The following HYDIN variants were observed in gnomAD, a reference collection of about 807,000 sequenced individuals.
HYDIN encodes the protein axonemal central pair apparatus protein HYDIN.
A neutral mutation model predicts 403.9 loss-of-function variants in HYDIN; 132 were observed. That is an observed-to-expected ratio of 0.33 (90% CI 0.28 to 0.38). HYDIN has a LOEUF of 0.38. Among genes scored for constraint, HYDIN ranks in the 10% least tolerant of loss-of-function variants. The probability of loss-of-function intolerance (pLI) is 1.00; values close to 1 mark genes in which losing one functional copy is unlikely to be tolerated. For synonymous variants in HYDIN, 1,202 were observed against 1,891.7 expected (o/e 0.64, Z 9.46); for missense variants, 2,827 against 5,009.5 (o/e 0.56, Z 13.15).
intron 13 of HYDIN, among the ~76,000 whole-genome samples, chr16:71,070,549 G>C (rs912984005): frequency 7.5e-6 from 1 of 133,570 alleles, no homozygotes; most frequent in Non-Finnish European, 1.5e-5. Context: ...GGCTGCTCTT[G>C]AACTCTTGAC....
At chr16:71,019,621 T>C (rs1447872896) in intron 22 of HYDIN, among the ~76,000 whole-genome samples, 4 of 152,290 alleles carry the variant, frequency 2.6e-5, no homozygotes, top group Non-Finnish European at 5.9e-5. Flanking sequence ...CTTAACTTTT[T>C]TTTTTTTCCA....
At chr16:71,049,507 T>C (rs1212929091) in intron 18 of HYDIN, among the ~76,000 whole-genome samples, 1 of 152,070 alleles carries the variant, frequency 6.6e-6, no homozygotes, top group Non-Finnish European at 1.5e-5. Context: ...TGAAGGCAAA[T>C]GTAAAAATGC....
intron 72 of HYDIN, 124 bp downstream of exon 72, chr16:70,857,581 G>A: frequency 8.0e-7 from 1 of 1,256,710 alleles, no homozygotes; most frequent in South Asian, 1.6e-5. Context: ...AACTGATTGA[G>A]ACCCTCTGAT....
rs2038554872 is a variant in HYDIN, at chr16:70,850,471, T to G, written c.12628A>C (p.Thr4210Pro). 2 of 1,569,684 alleles carry G rather than the reference T, an allele frequency of 1.3e-6. No individual in the cohort carries two copies. The highest frequency in any genetic ancestry group is 1.8e-5 in the Admixed American group (1 of 56,864). The change falls in exon 74 of 86, where the codon ACT becomes CCT. Residue 4210 changes from threonine (T) to proline (P), a missense_variant. Transcript: ENST00000393567. ...GSITLLTPNQ[T>P]NIINFYEVEL... ...ACCTCATAGAAGTTGATGATGTTAG[T>G]CTGGTTGGGAGTCAACAGAGTGATG...
At position 71,119,955 on chromosome 16, in the gene HYDIN, TCTTTATTACTCAGTTCTAAC is replaced by T. The variant is rs1217562948; in HGVS notation, c.1228-4180_1228-4161del. 3.5e-3 allele frequency among the ~76,000 whole-genome samples: 532 copies of T among 152,014 alleles called. 3 individuals carry two copies. The highest frequency in any genetic ancestry group is 0.012 in the African/African-American group (512 of 41,358). ...TGTCTCTGCAAAAAAAAACTTTCTTTCTTTATTACTCAGTTCTAACATTTCTGAAAATCAAAACATCCAGA... is the reference window on the plus strand; with the variant it reads ...TGTCTCTGCAAAAAAAAACTTTCTTTATTTCTGAAAATCAAAACATCCAGA... On this transcript the variant is annotated intron_variant, in intron 9 of 85. Transcript: ENST00000393567.
chr16:71,070,521 GT>G (rs1201779835), intron 13 of HYDIN, among the ~76,000 whole-genome samples: 7 of 132,836 alleles, frequency 5.3e-5, no homozygotes, highest in African/African-American at 1.7e-4. Context: ...TAGAGATGGG[GT>G]TTCACCATGT....
intron 9 of HYDIN, among the ~76,000 whole-genome samples, chr16:71,117,491 G>A (rs142718839): frequency 0.02 from 3,101 of 152,248 alleles, 49 homozygotes; most frequent in Non-Finnish European, 0.032. Flanking sequence ...TACTATGATC[G>A]ATGTTATTTT....
chr16:71,031,384 G>C, intron 19 of HYDIN: 3 of 1,196,706 alleles, frequency 2.5e-6, no homozygotes, highest in Non-Finnish European at 3.2e-6. Context: ...AATTACGGTT[G>C]AGAGTCTAAA....
At position 70,879,357 on chromosome 16, in the gene HYDIN, G is replaced by T; in HGVS notation, c.10497C>A (p.Leu3499=). Residue 3499 remains leucine (L), a synonymous_variant, in exon 62 of 86, where the codon CTC becomes CTA. Transcript: ENST00000393567. ...GNPLLLFKRL[L]LGHSEKLPLI... ...GAGGCAGCTTCTCTGAATGACCAAG[G>T]AGAAGCCTCTTAAAGAGGAGCAAGG... 2 of 1,542,146 alleles carry T rather than the reference G, an allele frequency of 1.3e-6. No homozygotes were observed. Among genetic ancestry groups the T allele is most frequent in the Non-Finnish European group, 1.8e-6 (2 of 1,119,162 alleles).
chr16:70,876,687 T>C (rs2143670035), intron 62 of HYDIN, among the ~76,000 whole-genome samples: 1 of 108,886 alleles, frequency 9.2e-6, no homozygotes, highest in African/African-American at 3.7e-5. Flanking sequence ...TGCCCCCAAG[T>C]GTTGGGCAGA....
At chr16:71,139,796 A>T (rs1199998922) in intron 7 of HYDIN, among the ~76,000 whole-genome samples, 1 of 152,030 alleles carries the variant, frequency 6.6e-6, no homozygotes, top group Non-Finnish European at 1.5e-5. Context: ...TCTCAGAAGG[A>T]GAGGAAAGAG....
At position 70,986,130 on chromosome 16, in the gene HYDIN, A is replaced by T. The variant is rs549841882; in HGVS notation, c.4195-808T>A. 2.2e-3 allele frequency among the ~76,000 whole-genome samples: 260 copies of T among 118,114 alleles called. 1 individual carries two copies. Among genetic ancestry groups the T allele is most frequent in the Middle Eastern group, 7.4e-3 (2 of 270 alleles). The allele number at this position is 118,114 out of a possible 152,430, so 77.5% of individuals were successfully genotyped here. The stretch of plus-strand genomic sequence containing the variant: ...TAAAAAGAATTAAAATAAATAAATT[A>T]AAAAAAAAAAGATTTGCCTTCTGGA... On this transcript the variant is annotated intron_variant, in intron 27 of 85. Coordinates refer to ENST00000393567, the MANE Select transcript of HYDIN (RefSeq NM_001270974.2).
chr16:70,834,579 G>A (rs952927001), intron 78 of HYDIN, among the ~76,000 whole-genome samples: 26 of 152,012 alleles, frequency 1.7e-4, no homozygotes, highest in Non-Finnish European at 3.1e-4. Flanking sequence ...TGGGTGCCGT[G>A]GCTCACGCCT....
chr16:71,208,848 G>A (rs1228799709), intron 1 of HYDIN, among the ~76,000 whole-genome samples: 1 of 152,160 alleles, frequency 6.6e-6, no homozygotes, highest in Non-Finnish European at 1.5e-5. Context: ...GAATCAGGGA[G>A]AAATTGAATC....
intron 84 of HYDIN, among the ~76,000 whole-genome samples, chr16:70,810,267 G>A (rs948684038): frequency 2.0e-5 from 3 of 152,176 alleles, no homozygotes; most frequent in Non-Finnish European, 1.5e-5. Flanking sequence ...CCTGAGAAGC[G>A]CACATAGGGA....
In HYDIN at chr16:71,224,985, G is replaced by C. The variant is rs1466474183; in HGVS notation, c.-24+5577C>G. Among the ~76,000 whole-genome samples, 6 of 152,210 alleles carry C rather than the reference G, an allele frequency of 3.9e-5. No homozygotes were observed. The East Asian group carries it at 9.6e-4, about 24-fold the overall frequency. On this transcript the variant is annotated intron_variant, in intron 1 of 85. Coordinates refer to ENST00000393567, the MANE Select transcript of HYDIN (RefSeq NM_001270974.2). ...GGGACATTTGCTAATTCTAGGCACA[G>C]GGAGACAATCCAGCTTGGCTCAGGC...
intron 23 of HYDIN, among the ~76,000 whole-genome samples, chr16:71,011,075 C>T (rs1251776820): frequency 6.6e-6 from 1 of 152,148 alleles, no homozygotes; most frequent in East Asian, 1.9e-4. Context: ...GACCCTAGAG[C>T]TCCTGTAGGA....
intron 9 of HYDIN, among the ~76,000 whole-genome samples, chr16:71,116,431 C>T (rs375331607): frequency 1.4e-3 from 217 of 152,234 alleles, no homozygotes; most frequent in African/African-American, 4.9e-3. Flanking sequence ...ATTCTTCTGT[C>T]GCTGGACACT....
intron 47 of HYDIN, among the ~76,000 whole-genome samples, chr16:70,910,168 G>C (rs1176391405): frequency 6.6e-6 from 1 of 152,134 alleles, no homozygotes; most frequent in Non-Finnish European, 1.5e-5. Flanking sequence ...CGATTTGTGA[G>C]ATTTTGGTGC....
Sources: allele counts gnomAD v4.1 joint callset (sites outside exome capture counted in the v4.1 genomes callset), GRCh38; gene constraint gnomAD v4.1.1; transcripts MANE v1.5; gene names NCBI Gene and HGNC (gene_info 2026-07-23, HGNC 2026-07-21).